The following RGS6 variants were observed in gnomAD, a reference collection of about 807,000 sequenced individuals.
RGS6 encodes the protein regulator of G-protein signaling 6.
RGS6 carries 30 observed loss-of-function variants against 78.5 expected under a neutral mutation model. That is an observed-to-expected ratio of 0.38 (90% CI 0.29 to 0.52). RGS6 has a LOEUF of 0.52. Among genes scored for constraint, RGS6 ranks in the 20% least tolerant of loss-of-function variants. The probability of loss-of-function intolerance (pLI) is 0.85; values close to 1 mark genes in which losing one functional copy is unlikely to be tolerated. For missense variants in RGS6, 495 were observed against 609.7 expected (o/e 0.81, Z 1.98); for synonymous variants, 206 against 206.0 (o/e 1.00, Z 0.00).
chr14:72,395,985 A>G (rs1282724292), intron 3 of RGS6, among the ~76,000 whole-genome samples: 8 of 152,254 alleles, frequency 5.3e-5, no homozygotes, highest in African/African-American at 9.6e-5. Context: ...TAGTGCCGCA[A>G]TAAACATACG....
rs1391168219 is a variant in RGS6 at position 72,486,905 on chromosome 14, G to T, written c.855-8247G>T. 2.0e-5 allele frequency among the ~76,000 whole-genome samples: 3 copies of T among 152,110 alleles called. No individual in the cohort carries two copies. In the South Asian group the frequency reaches 6.2e-4, roughly 32 times the overall value. ...GATGTTGAGAAGCATAAGGGAAGAG[G>T]AGATCGCCTTCCCTCTCTGCCCAGC... On this transcript the variant is annotated intron_variant, in intron 12 of 17. Transcript: ENST00000553525.
intron 2 of RGS6, among the ~76,000 whole-genome samples, chr14:72,113,017 G>A (rs926039269): frequency 2.6e-5 from 4 of 152,168 alleles, no homozygotes; most frequent in Non-Finnish European, 5.9e-5. Flanking sequence ...CACGGGAGGG[G>A]CTGTTGAAAA....
chr14:72,315,555 CTT>C lies in RGS6; in HGVS notation c.85-36537_85-36536del, dbSNP rs528002230. Among the ~76,000 whole-genome samples the C allele has an allele frequency of 5.3e-5, 8 of 152,254 alleles. No individual in the cohort carries two copies. The South Asian group carries it at 1.7e-3, about 32-fold the overall frequency. On this transcript the variant is annotated intron_variant, in intron 2 of 17. Transcript: ENST00000553525. ...ATCCCCCTGCATTTTTCTGGGGAAT[CTT>C]TTATTTTTAGCAAGAGTGTTTGATA...
intron 2 of RGS6, among the ~76,000 whole-genome samples, chr14:72,209,400 CTTTCTA>C (rs1228065472): frequency 8.8e-5 from 4 of 45,520 alleles, no homozygotes; most frequent in African/African-American, 3.0e-4. Context: ...ATAAATTTTT[CTTTCTA>C]TTTCTTCTAC....
chr14:72,411,494 C>A (rs553222484), intron 3 of RGS6, among the ~76,000 whole-genome samples: 1 of 152,284 alleles, frequency 6.6e-6, no homozygotes, highest in Non-Finnish European at 1.5e-5. Context: ...TCTAGATATA[C>A]AATCATGTCA....
the RGS6 span, among the ~76,000 whole-genome samples, chr14:72,598,503 G>A: frequency 5.9e-5 from 9 of 152,206 alleles, no homozygotes; most frequent in African/African-American, 2.2e-4. Context: ...TGCAAACAAG[G>A]CCTTCCACAG....
At chr14:72,055,602 C>T (rs547433157) in intron 2 of RGS6, among the ~76,000 whole-genome samples, 137 of 152,122 alleles carry the variant, frequency 9.0e-4, no homozygotes, top group Non-Finnish European at 1.7e-3. Context: ...CTGGACCCCA[C>T]CTCCAGAGAC....
At chr14:71,892,628 T>G in the RGS6 span, among the ~76,000 whole-genome samples, 1 of 152,236 alleles carries the variant, frequency 6.6e-6, no homozygotes, top group African/African-American at 2.4e-5. Context: ...TCCAAGGATG[T>G]GGGCTTTGAT....
chr14:72,473,008 A>G, intron 9 of RGS6, 55 bp downstream of exon 9: 3 of 1,321,224 alleles, frequency 2.3e-6, no homozygotes, highest in Non-Finnish European at 3.2e-6. Flanking sequence ...GTTCATTTTT[A>G]TCTCTATAAA....
chr14:72,505,691 G>A (rs889312824), intron 13 of RGS6, among the ~76,000 whole-genome samples: 1 of 152,212 alleles, frequency 6.6e-6, no homozygotes, highest in East Asian at 1.9e-4. Flanking sequence ...CCAGGTCCTG[G>A]CTGCCACCTA....
chr14:71,904,545 T>C, the RGS6 span, among the ~76,000 whole-genome samples: 126,454 of 152,236 alleles, frequency 0.83, 52,720 homozygotes, highest in African/African-American at 0.85. Flanking sequence ...GAAGCAAAGA[T>C]AGATTGAGTT....
intron 3 of RGS6, among the ~76,000 whole-genome samples, chr14:72,451,364 A>ATG (rs1350645029): frequency 1.3e-5 from 2 of 152,190 alleles, no homozygotes; most frequent in Non-Finnish European, 2.9e-5. Flanking sequence ...AAGTGCTTAA[A>ATG]TGTGATTCTT....
At chr14:72,614,615 G>A in the RGS6 span, among the ~76,000 whole-genome samples, 13 of 151,994 alleles carry the variant, frequency 8.6e-5, no homozygotes, top group Admixed American at 7.9e-4. Context: ...CCAGCTGGGT[G>A]AGGGGCTTAC....
chr14:72,247,976 A>C (rs1269357120), intron 2 of RGS6, among the ~76,000 whole-genome samples: 3 of 152,218 alleles, frequency 2.0e-5, no homozygotes, highest in African/African-American at 7.2e-5. Context: ...AAACAGACTA[A>C]GACAGTGACT....
intron 2 of RGS6, among the ~76,000 whole-genome samples, chr14:72,236,728 AG>A (rs1318603169): frequency 6.6e-6 from 1 of 152,140 alleles, no homozygotes; most frequent in Non-Finnish European, 1.5e-5. Flanking sequence ...GGGGCCGGGC[AG>A]AGGTGCTCCT....
intron 2 of RGS6, among the ~76,000 whole-genome samples, chr14:72,162,725 G>A (rs1396804783): frequency 6.6e-6 from 1 of 152,018 alleles, no homozygotes; most frequent in Non-Finnish European, 1.5e-5. Context: ...ATTCGCAATT[G>A]CAAAAATATG....
At chr14:72,122,068 C>T (rs900158691) in intron 2 of RGS6, among the ~76,000 whole-genome samples, 1 of 152,100 alleles carries the variant, frequency 6.6e-6, no homozygotes, top group Non-Finnish European at 1.5e-5. Flanking sequence ...GTGCCAAGAT[C>T]GAGAAGCCCT....
chr14:72,362,929 A>G lies in RGS6; in HGVS notation c.184+10735A>G, dbSNP rs571866532. On this transcript the variant is annotated intron_variant, in intron 3 of 17. Coordinates refer to ENST00000553525, the MANE Select transcript of RGS6 (RefSeq NM_001204424.2). The stretch of plus-strand genomic sequence containing the variant: ...GTGGAAACCCAGGAAAAGTCATTCC[A>G]CGTAGAGAAAATAGAATTTTCATAG... Among the ~76,000 whole-genome samples the G allele has an allele frequency of 2.6e-5, 4 of 152,344 alleles. No homozygotes were observed. The East Asian group carries it at 7.7e-4, about 29-fold the overall frequency.
chr14:72,219,778 T>C (rs1035551861), intron 2 of RGS6, among the ~76,000 whole-genome samples: 6 of 152,204 alleles, frequency 3.9e-5, no homozygotes, highest in African/African-American at 1.4e-4. Context: ...TACATAGAAT[T>C]TCACATTTTT....
Sources: allele counts gnomAD v4.1 joint callset (sites outside exome capture counted in the v4.1 genomes callset), GRCh38; gene constraint gnomAD v4.1.1; transcripts MANE v1.5; gene names NCBI Gene and HGNC (gene_info 2026-07-23, HGNC 2026-07-21).